LRP1B: variants seen among roughly 807,000 people sequenced by gnomAD.
The protein encoded by LRP1B is LDL receptor related protein 1B, also known as low-density lipoprotein receptor-related protein 1B.
LRP1B carries 217 observed loss-of-function variants against 556.6 expected under a neutral mutation model. That is an observed-to-expected ratio of 0.39 (90% CI 0.35 to 0.44). LRP1B has a LOEUF of 0.44. Among genes scored for constraint, LRP1B ranks in the 20% least tolerant of loss-of-function variants. The pLI is 1.00. For synonymous variants in LRP1B, 2,047 were observed against 1,865.8 expected (o/e 1.10, Z -2.50); for missense variants, 5,053 against 5,620.8 (o/e 0.90, Z 3.23).
chr2:142,018,785 C>T (rs1011833894), intron 1 of LRP1B, among the ~76,000 whole-genome samples: 5 of 149,512 alleles, frequency 3.3e-5, no homozygotes, highest in African/African-American at 7.4e-5. Flanking sequence ...TCCTGACTTA[C>T]GCTTTTTTTT....
At chr2:141,651,244 A>G (rs1416201438) in intron 2 of LRP1B, among the ~76,000 whole-genome samples, 1 of 152,228 alleles carries the variant, frequency 6.6e-6, no homozygotes, top group East Asian at 1.9e-4. Context: ...ACAGGTTTAT[A>G]TATATCTATA....
At chr2:141,400,506 T>C (rs1690411221) in intron 3 of LRP1B, among the ~76,000 whole-genome samples, 1 of 152,172 alleles carries the variant, frequency 6.6e-6, no homozygotes, top group Non-Finnish European at 1.5e-5. Context: ...GCTATTGAAA[T>C]TAAGAAAAAA....
Position 141,055,213 on chromosome 2 carries a change from G to C in LRP1B, c.1455C>G (p.Gly485=), listed in dbSNP as rs1345799029. The C allele has an allele frequency of 6.2e-7, 1 of 1,611,730 alleles. No homozygotes were observed. The highest frequency in any genetic ancestry group is 8.5e-7 in the Non-Finnish European group (1 of 1,178,782). The change falls in exon 10 of 91, where the codon GGC becomes GGG. Residue 485 remains glycine (G), a synonymous_variant. Transcript: ENST00000389484. The part of the protein sequence containing the change: ...CEVDPYGMPG[G]CSHICLLSSS... ...TGCTGAGTAGACAGATGTGTGAACA[G>C]CCCCCTGGCATTCCATATGGATCGA...
At chr2:140,864,563 T>G (rs1430562656) in intron 27 of LRP1B, among the ~76,000 whole-genome samples, 1 of 152,084 alleles carries the variant, frequency 6.6e-6, no homozygotes, top group Admixed American at 6.6e-5. Flanking sequence ...CATTTTTATT[T>G]AATGCTTCAT....
chr2:140,952,355 AAGATGAAAAGTC>A (rs1288638077), intron 18 of LRP1B, among the ~76,000 whole-genome samples: 1 of 152,316 alleles, frequency 6.6e-6, no homozygotes, highest in Admixed American at 6.5e-5. Context: ...CAGAGAGCCA[AAGATGAAAAGTC>A]AGATCTCACT....
chr2:140,963,679 G>T (rs1696107030), intron 18 of LRP1B, among the ~76,000 whole-genome samples: 1 of 152,104 alleles, frequency 6.6e-6, no homozygotes, highest in Admixed American at 6.6e-5. Context: ...AAAGCAGGCT[G>T]GGCATTGTGG....
chr2:140,768,767 T>C (rs1689201384), intron 35 of LRP1B, among the ~76,000 whole-genome samples: 1 of 151,970 alleles, frequency 6.6e-6, no homozygotes, highest in South Asian at 2.1e-4. Flanking sequence ...TGGTGTAGCA[T>C]GTATAATTGT....
At chr2:141,044,828 T>G (rs1315194130) in intron 11 of LRP1B, among the ~76,000 whole-genome samples, 49 of 150,776 alleles carry the variant, frequency 3.2e-4, no homozygotes, top group African/African-American at 1.1e-3. Flanking sequence ...GGTGGGACTG[T>G]AAACTAGTTC....
chr2:140,896,057 G>A (rs1693944303), intron 23 of LRP1B, among the ~76,000 whole-genome samples: 1 of 151,958 alleles, frequency 6.6e-6, no homozygotes, highest in Admixed American at 6.6e-5. Flanking sequence ...GGACCTCACG[G>A]GGAACCTATC....
chr2:141,770,254 G>A (rs1348237353), intron 2 of LRP1B, among the ~76,000 whole-genome samples: 1 of 151,502 alleles, frequency 6.6e-6, no homozygotes, highest in Non-Finnish European at 1.5e-5. Flanking sequence ...CTTATTTATG[G>A]ATCTTCTTAA....
intron 1 of LRP1B, among the ~76,000 whole-genome samples, chr2:142,018,170 T>C (rs951024117): frequency 2.0e-5 from 3 of 152,198 alleles, no homozygotes; most frequent in South Asian, 2.1e-4. Flanking sequence ...TTACAACAAA[T>C]TGTTTGTCAC....
At chr2:140,541,208 A>G in intron 44 of LRP1B, 110 bp from the exon 45 acceptor site, 1 of 916,270 alleles carries the variant, frequency 1.1e-6, no homozygotes, top group Non-Finnish European at 1.6e-6. Context: ...ATAATATGTC[A>G]TTAAAAAGGA....
In LRP1B at chr2:141,073,038, C is replaced by T. The variant is rs116542470; in HGVS notation, c.1014-10765G>A. Among the ~76,000 whole-genome samples the T allele has an allele frequency of 3.5e-3, 529 of 152,170 alleles. 1 individual carries two copies. The highest frequency in any genetic ancestry group is 6.0e-3 in the Non-Finnish European group (407 of 67,986). Reference sequence around the variant, plus strand: ...TCTACTAAATGTCATATTCAGCACACGAATTTGCTTTACTATTTATCATTC... The same window carrying T: ...TCTACTAAATGTCATATTCAGCACATGAATTTGCTTTACTATTTATCATTC... On this transcript the variant is annotated intron_variant, in intron 7 of 90. Coordinates refer to ENST00000389484, the MANE Select transcript of LRP1B (RefSeq NM_018557.3).
At chr2:140,470,794 G>T (rs1026691305) in intron 60 of LRP1B, among the ~76,000 whole-genome samples, 1 of 151,910 alleles carries the variant, frequency 6.6e-6, no homozygotes, top group African/African-American at 2.4e-5. Flanking sequence ...AGGCAACTGA[G>T]GTCCAGGGAA....
chr2:141,442,656 A>G (rs1260034026), intron 3 of LRP1B, among the ~76,000 whole-genome samples: 1 of 151,826 alleles, frequency 6.6e-6, no homozygotes, highest in East Asian at 1.9e-4. Context: ...TTCAACTCCT[A>G]CTTATGAGTG....
At chr2:140,688,016 T>G (rs1384732966) in intron 41 of LRP1B, among the ~76,000 whole-genome samples, 1 of 152,148 alleles carries the variant, frequency 6.6e-6, no homozygotes, top group Non-Finnish European at 1.5e-5. Flanking sequence ...TTATAATATG[T>G]ACACTGTCTT....
chr2:140,688,145 G>GT (rs1686114604), intron 41 of LRP1B, among the ~76,000 whole-genome samples: 1 of 147,392 alleles, frequency 6.8e-6, no homozygotes, highest in African/African-American at 2.6e-5. Context: ...TCAGCCAATT[G>GT]TTTTTTTACA....
At chr2:141,954,193 A>C (rs1315956816) in intron 1 of LRP1B, among the ~76,000 whole-genome samples, 4 of 152,054 alleles carry the variant, frequency 2.6e-5, no homozygotes, top group Non-Finnish European at 5.9e-5. Context: ...TTATTTAGTT[A>C]ATTGGTTTTG....
chr2:141,480,168 TG>T (rs1682866248), intron 3 of LRP1B, among the ~76,000 whole-genome samples: 1 of 20,744 alleles, frequency 4.8e-5, no homozygotes, highest in Non-Finnish European at 1.4e-4. Flanking sequence ...TTTGTGTGTG[TG>T]TGTGTGTGTG....
Sources: allele counts gnomAD v4.1 joint callset (sites outside exome capture counted in the v4.1 genomes callset), GRCh38; gene constraint gnomAD v4.1.1; transcripts MANE v1.5; gene names NCBI Gene and HGNC (gene_info 2026-07-23, HGNC 2026-07-21).